The following MAMDC2 variants were observed in gnomAD, a reference collection of about 807,000 sequenced individuals.
The protein encoded by MAMDC2 is MAM domain-containing protein 2.
MAMDC2 carries 57 observed loss-of-function variants against 89.8 expected under a neutral mutation model. The ratio of observed to expected loss-of-function variants is 0.63; its 90% CI spans 0.51 to 0.79. The LOEUF (loss-of-function observed/expected upper bound fraction) is 0.79. MAMDC2 is among the 30% of genes least tolerant of loss of function. The pLI is 0.00. For missense variants in MAMDC2, 800 were observed against 820.6 expected (o/e 0.97, Z 0.31); for synonymous variants, 313 against 293.4 (o/e 1.07, Z -0.68).
chr9:70,195,385 T>C (rs2032957140), intron 11 of MAMDC2, among the ~76,000 whole-genome samples: 1 of 152,142 alleles, frequency 6.6e-6, no homozygotes, highest in Non-Finnish European at 1.5e-5. Context: ...TGCCGCCATT[T>C]ACTTCAGTAG....
intron 11 of MAMDC2, among the ~76,000 whole-genome samples, chr9:70,197,217 A>G (rs1266815284): frequency 6.6e-6 from 1 of 152,152 alleles, no homozygotes; most frequent in Non-Finnish European, 1.5e-5. Flanking sequence ...TCACTATTAC[A>G]GATGCAATAA....
In MAMDC2 at chr9:70,225,973, G is replaced by T; in HGVS notation, c.2002G>T (p.Glu668Ter). The T allele has an allele frequency of 6.4e-7, 1 of 1,574,538 alleles. No individual in the cohort carries two copies. Among genetic ancestry groups the T allele is most frequent in the South Asian group, 1.2e-5 (1 of 85,372 alleles). The change falls in exon 14 of 14, where the codon GAA becomes TAA. Residue 668 changes from glutamate to a stop codon, truncating the protein, a stop_gained. Coordinates refer to ENST00000377182, the MANE Select transcript of MAMDC2 (RefSeq NM_153267.5). LOFTEE classifies it high-confidence loss of function. ...KFQAGPCGEM[E>*]DTTQQSSGYS... ...ATATTTGTCTTTCCTGACAGAAATG[G>T]AAGATACAACTCAACAATCATCAGG...
At chr9:70,178,957 T>C (rs1412611308) in intron 11 of MAMDC2, among the ~76,000 whole-genome samples, 2 of 152,182 alleles carry the variant, frequency 1.3e-5, no homozygotes, top group Non-Finnish European at 2.9e-5. Context: ...GGCTGGCATG[T>C]AGAATATTGT....
intron 11 of MAMDC2, among the ~76,000 whole-genome samples, chr9:70,197,917 C>T (rs1162449070): frequency 1.3e-5 from 2 of 151,990 alleles, no homozygotes; most frequent in South Asian, 2.1e-4. Flanking sequence ...CTGGGTCATT[C>T]GTCCCACTTT....
intron 10 of MAMDC2, 189 bp from the exon 11 acceptor site, chr9:70,170,290 C>T: frequency 2.1e-6 from 1 of 479,856 alleles, no homozygotes; most frequent in South Asian, 4.9e-5. Flanking sequence ...ATGTCTGTGG[C>T]AGGACCCGCA....
chr9:70,092,284 G>A (rs1827919548), intron 2 of MAMDC2: 1 of 152,134 alleles, frequency 6.6e-6, no homozygotes, highest in Non-Finnish European at 1.5e-5. Context: ...TGCAGACCAA[G>A]GCCTCCCTCA....
intron 5 of MAMDC2, among the ~76,000 whole-genome samples, chr9:70,121,016 C>A (rs552503054): frequency 3.7e-4 from 56 of 152,176 alleles, no homozygotes; most frequent in Non-Finnish European, 6.9e-4. Flanking sequence ...GTCCAGACAA[C>A]CAGCAACACT....
At position 70,144,976 on chromosome 9, in the gene MAMDC2, T is replaced by A. The variant is rs1208615743; in HGVS notation, c.1404+1157T>A. ...AAACTTTACCATGGTTAATCAAAGA[T>A]CTCTGAAAATCTTTTGTTTCCATTG... On this transcript the variant is annotated intron_variant, in intron 9 of 13. Coordinates refer to ENST00000377182, the MANE Select transcript of MAMDC2 (RefSeq NM_153267.5). 2.6e-5 allele frequency among the ~76,000 whole-genome samples: 4 copies of A among 152,226 alleles called. No homozygotes were observed. In the East Asian group the frequency reaches 5.8e-4, roughly 22 times the overall value.
Position 70,131,624 on chromosome 9 carries a change from C to G in MAMDC2, c.994+12C>G. The G allele has an allele frequency of 6.3e-7, 1 of 1,583,350 alleles. No homozygotes were observed. The highest frequency in any genetic ancestry group is 8.6e-7 in the Non-Finnish European group (1 of 1,159,626). ...CCAGAATCAGACAGGTGAGCATTCTCTATTTGTCATTGCATTTTGGGATGT... is the reference window on the plus strand; with the variant it reads ...CCAGAATCAGACAGGTGAGCATTCTGTATTTGTCATTGCATTTTGGGATGT... On this transcript the variant is annotated intron_variant, in intron 7 of 13. Coordinates refer to ENST00000377182, the MANE Select transcript of MAMDC2 (RefSeq NM_153267.5).
At chr9:70,215,869 G>A (rs2033436486) in intron 11 of MAMDC2, among the ~76,000 whole-genome samples, 2 of 152,140 alleles carry the variant, frequency 1.3e-5, no homozygotes, top group South Asian at 2.1e-4. Flanking sequence ...TAAGACCAAC[G>A]ATGCTTTCTC....
chr9:70,208,770 T>C (rs4379509), intron 11 of MAMDC2, among the ~76,000 whole-genome samples: 129,835 of 151,654 alleles, frequency 0.86, 55,817 homozygotes, highest in East Asian at 0.96. Flanking sequence ...GGCTGTGGGT[T>C]TGTCATAGAT....
chr9:70,170,964 T>C lies in MAMDC2; in HGVS notation c.1651+333T>C, dbSNP rs78851756. ...AATTGGAGCCAGGGCCGAGGCCTAA[T>C]ATACAAAATATATTGGCAGACAAAG... On this transcript the variant is annotated intron_variant, in intron 11 of 13. Coordinates refer to ENST00000377182, the MANE Select transcript of MAMDC2 (RefSeq NM_153267.5). The C allele has an allele frequency of 3.0e-3, 752 of 247,510 alleles. 44 individuals are homozygous for C. The East Asian group carries it at 0.059, about 20-fold the overall frequency. The allele number at this position is 247,510 out of a possible 1,614,324, so 15.3% of individuals were successfully genotyped here.
intron 11 of MAMDC2, among the ~76,000 whole-genome samples, chr9:70,207,252 T>C (rs751837516): frequency 6.6e-6 from 1 of 152,244 alleles, no homozygotes; most frequent in Non-Finnish European, 1.5e-5. Flanking sequence ...ACCAGCAGTG[T>C]AAAAGTGTTC....
At chr9:70,108,615 C>T (rs1828411106) in intron 3 of MAMDC2, 133 bp downstream of exon 3, 2 of 684,792 alleles carry the variant, frequency 2.9e-6, no homozygotes, top group African/African-American at 1.9e-5. Context: ...AAGATACATA[C>T]CATAGAAGAA....
chr9:70,069,127 C>T (rs568027478), intron 2 of MAMDC2, among the ~76,000 whole-genome samples: 42 of 152,298 alleles, frequency 2.8e-4, no homozygotes, highest in African/African-American at 1.0e-3. Context: ...CGAGATTCAG[C>T]CTTGGCTTAT....
chr9:70,135,342 G>C (rs2030962671), intron 7 of MAMDC2, among the ~76,000 whole-genome samples: 1 of 152,100 alleles, frequency 6.6e-6, no homozygotes, highest in African/African-American at 2.4e-5. Context: ...AAACAAGCTT[G>C]AAGCAAAGCC....
Position 70,217,238 on chromosome 9 carries a change from C to T in MAMDC2, c.1652-1099C>T, listed in dbSNP as rs149393009. 6.8e-4 allele frequency: 589 copies of T among 869,274 alleles called. 2 individuals carry two copies. The highest frequency in any genetic ancestry group is 9.4e-4 in the Non-Finnish European group (475 of 503,060). 53.8% of individuals were successfully genotyped at this position (869,274 alleles called of 1,614,324 possible). A position where few individuals can be genotyped will look rare whatever the true frequency, so the allele number is the denominator to read the frequency against. On this transcript the variant is annotated intron_variant, in intron 11 of 13. Coordinates refer to ENST00000377182, the MANE Select transcript of MAMDC2 (RefSeq NM_153267.5). Reference sequence around the variant, plus strand: ...AGTTTTAGTGGGTACAAGATCTACCCGGGACAGGGGAGGCACTACGCCAGG... The same window carrying T: ...AGTTTTAGTGGGTACAAGATCTACCTGGGACAGGGGAGGCACTACGCCAGG...
intron 11 of MAMDC2, chr9:70,172,743 G>A (rs542953946): frequency 4.6e-5 from 7 of 153,034 alleles, no homozygotes; most frequent in Non-Finnish European, 8.8e-5. Flanking sequence ...CAGATTCTGG[G>A]ACAATGTTGC....
chr9:70,084,699 T>C (rs1827728962), intron 2 of MAMDC2, among the ~76,000 whole-genome samples: 1 of 152,136 alleles, frequency 6.6e-6, no homozygotes, highest in African/African-American at 2.4e-5. Context: ...TGAGCTTGGC[T>C]TCCCAGTTAT....
Sources: gnomAD v4.1 joint callset for allele counts (sites outside exome capture counted in the v4.1 genomes callset) on GRCh38, gnomAD v4.1.1 for gene constraint, MANE v1.5 for transcripts, NCBI Gene and HGNC (gene_info 2026-07-23, HGNC 2026-07-21) for gene names.